Variants in ADARB2 observed in about 807,000 individuals in gnomAD.
ADARB2 encodes the protein inactive double-stranded RNA-specific editase B2.
A neutral mutation model predicts 62.2 loss-of-function variants in ADARB2; 25 were observed. The observed-to-expected ratio is 0.40, with a 90% CI of 0.29 to 0.56. The LOEUF is 0.56. Among genes scored for constraint, ADARB2 ranks in the 20% least tolerant of loss-of-function variants. ADARB2 has a pLI of 0.43. For synonymous variants in ADARB2, 572 were observed against 500.8 expected (o/e 1.14, Z -1.90); for missense variants, 1,071 against 1,077.4 (o/e 0.99, Z 0.08).
At chr10:1,615,726 A>G (rs1833623349) in intron 1 of ADARB2, among the ~76,000 whole-genome samples, 1 of 152,194 alleles carries the variant, frequency 6.6e-6, no homozygotes, top group Non-Finnish European at 1.5e-5. Flanking sequence ...CTTCTGTAAG[A>G]AGGAGGCTGA....
At chr10:1,267,670 A>AGC (rs1831218791) in intron 4 of ADARB2, among the ~76,000 whole-genome samples, 1 of 152,234 alleles carries the variant, frequency 6.6e-6, no homozygotes, top group African/African-American at 2.4e-5. Flanking sequence ...ATATTTCAAA[A>AGC]GCGATATAAG....
rs138237833 is a variant in ADARB2 at position 1,645,246 on chromosome 10, C to T, written c.100+91805G>A. ...TCCATGCTCATTGTTGCATTGCTTA[C>T]GCATGCATGGCTATGGTACAGCCCA... On this transcript the variant is annotated intron_variant, in intron 1 of 9. Coordinates refer to ENST00000381312, the MANE Select transcript of ADARB2 (RefSeq NM_018702.4). 1.6e-3 allele frequency among the ~76,000 whole-genome samples: 240 copies of T among 152,332 alleles called. 2 individuals are homozygous for T. Among genetic ancestry groups the T allele is most frequent in the African/African-American group, 5.4e-3 (223 of 41,578 alleles).
At chr10:1,326,420 G>A (rs1211449453) in intron 3 of ADARB2, among the ~76,000 whole-genome samples, 1 of 152,212 alleles carries the variant, frequency 6.6e-6, no homozygotes, top group African/African-American at 2.4e-5. Flanking sequence ...TGAGAAGGGT[G>A]ATCTGGCAGG....
chr10:1,306,271 A>G (rs945070094), intron 3 of ADARB2, among the ~76,000 whole-genome samples: 3 of 151,172 alleles, frequency 2.0e-5, no homozygotes, highest in Non-Finnish European at 4.4e-5. Context: ...AACAACAGAC[A>G]AACAGAGAGC....
chr10:1,232,458 GTA>G (rs1393616734), intron 6 of ADARB2, among the ~76,000 whole-genome samples: 1 of 151,560 alleles, frequency 6.6e-6, no homozygotes, highest in African/African-American at 2.4e-5. Context: ...TGGTATGCAT[GTA>G]TGGCATATAT....
chr10:1,410,342 G>A (rs34174118), intron 1 of ADARB2, among the ~76,000 whole-genome samples: 45,697 of 151,780 alleles, frequency 0.3, 7,462 homozygotes, highest in Non-Finnish European at 0.36. Flanking sequence ...GTGGTGCTGA[G>A]GCCTGGCTGT....
At chr10:1,516,459 A>C (rs1019021764) in intron 1 of ADARB2, among the ~76,000 whole-genome samples, 1 of 151,562 alleles carries the variant, frequency 6.6e-6, no homozygotes, top group African/African-American at 2.4e-5. Context: ...CTGCTTGTTC[A>C]CCTGTGCGGG....
intron 1 of ADARB2, among the ~76,000 whole-genome samples, chr10:1,706,487 A>C (rs1199047616): frequency 6.6e-6 from 1 of 152,224 alleles, no homozygotes; most frequent in Non-Finnish European, 1.5e-5. Context: ...ATATTCAGGC[A>C]ACACATTTTG....
intron 4 of ADARB2, among the ~76,000 whole-genome samples, chr10:1,250,579 C>T (rs1227108481): frequency 1.3e-5 from 2 of 152,116 alleles, no homozygotes; most frequent in Non-Finnish European, 2.9e-5. Context: ...TCCCCCTTGA[C>T]CTTCTCCATC....
rs565243429 is a variant in ADARB2 at position 1,553,050 on chromosome 10, G to A, written c.101-173890C>T. On this transcript the variant is annotated intron_variant, in intron 1 of 9. Coordinates refer to ENST00000381312, the MANE Select transcript of ADARB2 (RefSeq NM_018702.4). ...ACATGGGGGGAGAGCAGTGTCACCCGCAGCTCCCTGCCGGAGACCCTGCCC... is the reference window on the plus strand; with the variant it reads ...ACATGGGGGGAGAGCAGTGTCACCCACAGCTCCCTGCCGGAGACCCTGCCC... Among the ~76,000 whole-genome samples, 314 of 152,312 alleles carry A rather than the reference G, an allele frequency of 2.1e-3. 2 individuals carry two copies. Among genetic ancestry groups the A allele is most frequent in the African/African-American group, 7.2e-3 (299 of 41,568 alleles).
chr10:1,311,715 T>G lies in ADARB2; in HGVS notation c.1078-40646A>C, dbSNP rs567858633. ...CCTGGGTTCCAGCAAAGACCTTGCT[T>G]CTTCTGTCTCCCACTGGGACCCCTG... is the stretch of plus-strand genomic sequence containing the variant. On this transcript the variant is annotated intron_variant, in intron 3 of 9. Transcript: ENST00000381312. Among the ~76,000 whole-genome samples the G allele has an allele frequency of 3.4e-4, 51 of 152,210 alleles. 1 individual carries two copies. In the South Asian group the frequency reaches 4.6e-3, roughly 14 times the overall value.
chr10:1,696,422 T>G (rs1386697015), intron 1 of ADARB2, among the ~76,000 whole-genome samples: 5 of 152,246 alleles, frequency 3.3e-5, no homozygotes, highest in African/African-American at 1.2e-4. Context: ...TCTTTTAAAA[T>G]GGTGGAAATT....
chr10:1,458,293 T>C lies in ADARB2; in HGVS notation c.101-79133A>G, dbSNP rs941136379. ...AATAGGATCTTCTGAAGCTTGCAGT[T>C]GCTGTCAATCTCCTGGCCCTAATGA... On this transcript the variant is annotated intron_variant, in intron 1 of 9. Transcript: ENST00000381312. Among the ~76,000 whole-genome samples the C allele has an allele frequency of 3.3e-5, 5 of 152,186 alleles. No homozygotes were observed. The East Asian group carries it at 9.6e-4, about 29-fold the overall frequency.
intron 1 of ADARB2, among the ~76,000 whole-genome samples, chr10:1,586,848 G>T (rs3916137): frequency 1.3e-5 from 2 of 151,976 alleles, no homozygotes; most frequent in African/African-American, 4.8e-5. Flanking sequence ...TATATAAAAC[G>T]CCTCCTTTAT....
chr10:1,424,907 C>T (rs1564286222), intron 1 of ADARB2, among the ~76,000 whole-genome samples: 1 of 152,176 alleles, frequency 6.6e-6, no homozygotes, highest in Non-Finnish European at 1.5e-5. Flanking sequence ...AAACCACCAG[C>T]TGTTCTAAGT....
intron 1 of ADARB2, among the ~76,000 whole-genome samples, chr10:1,413,582 T>C (rs141700615): frequency 6.6e-6 from 1 of 152,228 alleles, no homozygotes; most frequent in East Asian, 1.9e-4. Flanking sequence ...CTATCGGCCC[T>C]GTTTTGCAGA....
chr10:1,291,368 C>T (rs1281588376), intron 3 of ADARB2: 3 of 152,242 alleles, frequency 2.0e-5, no homozygotes, highest in African/African-American at 7.2e-5. Flanking sequence ...CCCAATGCAC[C>T]TGGGTCCCTG....
intron 1 of ADARB2, among the ~76,000 whole-genome samples, chr10:1,590,631 A>C (rs1360192584): frequency 6.6e-6 from 1 of 152,186 alleles, no homozygotes; most frequent in African/African-American, 2.4e-5. Context: ...TGCTTTTGTC[A>C]GGCTTGGAGA....
At chr10:1,731,123 T>C (rs1300901821) in intron 1 of ADARB2, among the ~76,000 whole-genome samples, 1 of 152,186 alleles carries the variant, frequency 6.6e-6, no homozygotes, top group Non-Finnish European at 1.5e-5. Flanking sequence ...GGAGGGAGAT[T>C]GTGGATCTCT....
Sources: gnomAD v4.1 joint callset for allele counts (sites outside exome capture counted in the v4.1 genomes callset) on GRCh38, gnomAD v4.1.1 for gene constraint, MANE v1.5 for transcripts, NCBI Gene and HGNC (gene_info 2026-07-23, HGNC 2026-07-21) for gene names.